C10orf67: variants seen among roughly 807,000 people sequenced by gnomAD.
C10orf67 encodes the protein chromosome 10 open reading frame 67, also known as uncharacterized protein C10orf67, mitochondrial.
C10orf67 carries 60 observed loss-of-function variants against 35.6 expected under a neutral mutation model. The observed-to-expected ratio is 1.68, with a 90% confidence interval of 1.37 to 2.09. The LOEUF (loss-of-function observed/expected upper bound fraction) is 2.09, where lower values mean the gene tolerates loss of function less well. Among genes scored for constraint, C10orf67 ranks in the 30% most tolerant of loss-of-function variants. C10orf67 has a pLI of 0.00. For synonymous variants in C10orf67, 167 were observed against 115.8 expected, an observed-to-expected ratio of 1.44 and a Z score of -2.84; for missense variants, 474 against 330.2, an observed-to-expected ratio of 1.44 and a Z score of -3.38.
intron 12 of C10orf67, among the ~76,000 whole-genome samples, chr10:23,244,267 T>G (rs1006309106): frequency 1.3e-5 from 2 of 152,208 alleles, no homozygotes; most frequent in South Asian, 4.1e-4. Context: ...TGAGTGATAA[T>G]AAATATATTG....
intron 10 of C10orf67, among the ~76,000 whole-genome samples, chr10:23,255,834 T>C (rs112492830): frequency 1.5e-3 from 223 of 152,328 alleles, no homozygotes; most frequent in South Asian, 5.0e-3. Context: ...CGGTATGGAA[T>C]GATGTTATCC....
intron 15 of C10orf67, among the ~76,000 whole-genome samples, chr10:23,211,867 G>A (rs1160275206): frequency 6.6e-6 from 1 of 152,062 alleles, no homozygotes; most frequent in Non-Finnish European, 1.5e-5. Context: ...AATTTAAAAA[G>A]AAAAGCAAAA....
intron 15 of C10orf67, 79 bp from the exon 16 acceptor site, chr10:23,204,334 A>C (rs1206988249): frequency 2.2e-6 from 1 of 445,324 alleles, no homozygotes; most frequent in Non-Finnish European, 4.1e-6. Context: ...CTTCCCCCAA[A>C]GCATTTTGCG....
chr10:23,207,171 T>A (rs1841182686), intron 15 of C10orf67, among the ~76,000 whole-genome samples: 6 of 151,262 alleles, frequency 4.0e-5, no homozygotes. Context: ...TTTTTTGTCT[T>A]AATGAATGAA....
intron 8 of C10orf67, among the ~76,000 whole-genome samples, chr10:23,280,584 T>C (rs1272705255): frequency 6.6e-6 from 1 of 152,160 alleles, no homozygotes; most frequent in Admixed American, 6.5e-5. Context: ...CATGAGCTCC[T>C]AGACTAGTCT....
chr10:23,214,821 G>A (rs1248443492), intron 15 of C10orf67, among the ~76,000 whole-genome samples: 3 of 152,094 alleles, frequency 2.0e-5, no homozygotes, highest in South Asian at 2.1e-4. Flanking sequence ...TCAGGAGTTC[G>A]ACACCAGCCT....
intron 2 of C10orf67, among the ~76,000 whole-genome samples, chr10:23,324,639 C>A (rs138074582): frequency 6.6e-6 from 1 of 152,280 alleles, no homozygotes; most frequent in East Asian, 1.9e-4. Context: ...TCCATTGAAG[C>A]CTGCCTTCCT....
chr10:23,269,862 CAG>C (rs1842972276), intron 8 of C10orf67, among the ~76,000 whole-genome samples: 1 of 151,594 alleles, frequency 6.6e-6, no homozygotes, highest in Non-Finnish European at 1.5e-5. Context: ...TGCCTAATAA[CAG>C]AGCTAAAAAA....
chr10:23,333,936 G>T (rs1469826763), intron 1 of C10orf67, among the ~76,000 whole-genome samples: 1 of 152,118 alleles, frequency 6.6e-6, no homozygotes, highest in Non-Finnish European at 1.5e-5. Context: ...CCACACTCCA[G>T]CCTGGGCAAC....
intron 5 of C10orf67, among the ~76,000 whole-genome samples, chr10:23,299,553 A>G (rs1844000723): frequency 6.6e-6 from 1 of 152,168 alleles, no homozygotes; most frequent in Admixed American, 6.5e-5. Context: ...GCATAATTAG[A>G]AAAGCATGTG....
intron 13 of C10orf67, among the ~76,000 whole-genome samples, chr10:23,232,664 A>G (rs781696113): frequency 6.6e-6 from 1 of 152,206 alleles, no homozygotes; most frequent in Non-Finnish European, 1.5e-5. Context: ...AGCGTACCTG[A>G]AACCTCTTCA....
At chr10:23,244,280 T>C (rs962412267) in intron 12 of C10orf67, among the ~76,000 whole-genome samples, 1 of 152,200 alleles carries the variant, frequency 6.6e-6, no homozygotes, top group Non-Finnish European at 1.5e-5. Flanking sequence ...ATATATTGTA[T>C]GTCACAACTT....
chr10:23,259,759 A>G (rs1042797179), intron 10 of C10orf67, among the ~76,000 whole-genome samples: 23 of 152,186 alleles, frequency 1.5e-4, no homozygotes, highest in African/African-American at 5.5e-4. Context: ...AAACCAAGCA[A>G]CAATCAAGAT....
intron 13 of C10orf67, among the ~76,000 whole-genome samples, chr10:23,238,462 CT>C (rs1366672679): frequency 1.3e-5 from 2 of 152,180 alleles, no homozygotes; most frequent in Non-Finnish European, 2.9e-5. Context: ...CTCCATTAGC[CT>C]CCATGGGAAG....
At chr10:23,290,132 T>C (rs940245839) in intron 6 of C10orf67, among the ~76,000 whole-genome samples, 174 bp from the exon 7 acceptor site, 1 of 152,192 alleles carries the variant, frequency 6.6e-6, no homozygotes, top group African/African-American at 2.4e-5. Context: ...CTTCCTGCTG[T>C]TCAGATGGCC....
chr10:23,306,914 T>C (rs1016556435), intron 4 of C10orf67, among the ~76,000 whole-genome samples: 1 of 152,196 alleles, frequency 6.6e-6, no homozygotes, highest in African/African-American at 2.4e-5. Context: ...TAAATCCTAA[T>C]AGTAAATTGA....
chr10:23,306,574 G>A (rs545344119), intron 4 of C10orf67, among the ~76,000 whole-genome samples: 34 of 151,790 alleles, frequency 2.2e-4, no homozygotes, highest in African/African-American at 8.2e-4. Flanking sequence ...ACAAAGGCTG[G>A]AGCACAGGGA....
chr10:23,236,141 C>A (rs564478088), intron 13 of C10orf67, among the ~76,000 whole-genome samples: 1 of 150,718 alleles, frequency 6.6e-6, no homozygotes, highest in South Asian at 2.1e-4. Context: ...CCCAGCTACT[C>A]GGGAGGCTGA....
intron 4 of C10orf67, among the ~76,000 whole-genome samples, chr10:23,306,040 A>G (rs1844262938): frequency 6.6e-6 from 1 of 152,196 alleles, no homozygotes; most frequent in Non-Finnish European, 1.5e-5. Flanking sequence ...GGTAGTATGT[A>G]CAATGTATAT....
Sources: allele counts gnomAD v4.1 joint callset (sites outside exome capture counted in the v4.1 genomes callset), GRCh38; gene constraint gnomAD v4.1.1; transcripts MANE v1.5; gene names NCBI Gene and HGNC (gene_info 2026-07-23, HGNC 2026-07-21).